The following LIN28B variants were observed in gnomAD, a reference collection of about 807,000 sequenced individuals.
LIN28B encodes lin-28 RNA binding posttranscriptional regulator B.
LIN28B carries 5 observed loss-of-function variants against 21.9 expected under a neutral mutation model. The ratio of observed to expected loss-of-function variants is 0.23; its 90% CI spans 0.12 to 0.48. LIN28B has a LOEUF of 0.48. Among genes scored for constraint, LIN28B ranks in the 20% least tolerant of loss-of-function variants. The probability of loss-of-function intolerance (pLI) is 0.98; values close to 1 mark genes in which losing one functional copy is unlikely to be tolerated. For synonymous variants in LIN28B, 109 were observed against 111.3 expected (o/e 0.98, Z 0.13); for missense variants, 245 against 310.5 (o/e 0.79, Z 1.58).
At position 105,081,683 on chromosome 6, in the gene LIN28B, A is replaced by G. The variant is rs1435930035; in HGVS notation, c.*2900A>G. The G allele has an allele frequency of 1.3e-5, 2 of 152,480 alleles. No individual in the cohort carries two copies. The highest frequency in any genetic ancestry group is 2.4e-5 in the African/African-American group (1 of 41,594). 9.4% of individuals were successfully genotyped at this position (152,480 alleles called of 1,614,324 possible). On this transcript the variant is annotated 3_prime_UTR_variant, in exon 4 of 4. Coordinates refer to ENST00000345080, the MANE Select transcript of LIN28B (RefSeq NM_001004317.4). The stretch of plus-strand genomic sequence containing the variant: ...GGGCACTGTTCAACTTAAGCAAAAC[A>G]GAACACGGAAGCAGTCTTAGAAGCA...
chr6:105,019,974 T>G (rs1328175986), intron 2 of LIN28B, among the ~76,000 whole-genome samples: 1 of 152,128 alleles, frequency 6.6e-6, no homozygotes, highest in East Asian at 1.9e-4. Context: ...CACTTCCCAA[T>G]CTAGTTGGAG....
intron 3 of LIN28B, among the ~76,000 whole-genome samples, chr6:105,071,072 T>A (rs1044093520): frequency 1.3e-5 from 2 of 152,128 alleles, no homozygotes; most frequent in African/African-American, 4.8e-5. Context: ...AGACGGAGTT[T>A]CACTGTGTTG....
chr6:105,065,099 G>A (rs947070127), intron 3 of LIN28B, among the ~76,000 whole-genome samples: 1 of 152,144 alleles, frequency 6.6e-6, no homozygotes, highest in Non-Finnish European at 1.5e-5. Flanking sequence ...ACCTCCACCA[G>A]TGGCTGTGTA....
chr6:105,004,996 C>T (rs1482737902), intron 2 of LIN28B, among the ~76,000 whole-genome samples: 1 of 152,112 alleles, frequency 6.6e-6, no homozygotes, highest in African/African-American at 2.4e-5. Context: ...CATATTTATT[C>T]TCCCAGGTTT....
At chr6:105,030,533 A>G (rs1562099052) in intron 3 of LIN28B, among the ~76,000 whole-genome samples, 1 of 151,250 alleles carries the variant, frequency 6.6e-6, no homozygotes, top group Admixed American at 6.6e-5. Flanking sequence ...TTTTTTCTTG[A>G]TAAGATAATG....
intron 3 of LIN28B, among the ~76,000 whole-genome samples, chr6:105,055,053 A>G (rs1360597406): frequency 6.6e-6 from 1 of 152,050 alleles, no homozygotes; most frequent in East Asian, 1.9e-4. Context: ...ATAGTGTAAA[A>G]TGTATCTTTT....
chr6:104,999,034 C>T (rs918228793), intron 2 of LIN28B, among the ~76,000 whole-genome samples: 8 of 151,812 alleles, frequency 5.3e-5, no homozygotes, highest in African/African-American at 9.7e-5. Flanking sequence ...AAACAAGCAT[C>T]GTTATCGAAA....
chr6:105,057,106 A>G (rs1772036698), intron 3 of LIN28B, among the ~76,000 whole-genome samples: 1 of 152,230 alleles, frequency 6.6e-6, no homozygotes, highest in Non-Finnish European at 1.5e-5. Flanking sequence ...GAGATAAAAT[A>G]TCTATACTAT....
At chr6:105,052,661 G>A (rs1487058778) in intron 3 of LIN28B, among the ~76,000 whole-genome samples, 1 of 151,996 alleles carries the variant, frequency 6.6e-6, no homozygotes, top group Non-Finnish European at 1.5e-5. Flanking sequence ...TGTAAGCTGT[G>A]GAATGCTTTG....
intron 2 of LIN28B, among the ~76,000 whole-genome samples, chr6:104,938,598 T>C (rs1445445543): frequency 6.7e-6 from 1 of 150,052 alleles, no homozygotes; most frequent in Non-Finnish European, 1.5e-5. Flanking sequence ...AAGATTGCAC[T>C]ACTGCACTCA....
Position 105,078,462 on chromosome 6 carries a change from A to C in LIN28B, c.432A>C (p.Leu144=). 1 of 1,613,592 alleles carries C rather than the reference A, an allele frequency of 6.2e-7. No homozygotes were observed. The highest frequency in any genetic ancestry group is 8.5e-7 in the Non-Finnish European group (1 of 1,179,622). Residue 144 remains leucine (L), a synonymous_variant, in exon 4 of 4, where the codon CTA becomes CTC. Transcript: ENST00000345080. ...ATCATCATGCTAAGGAATGTAGTCTACCTCCTCAGCCAAAGAAGTGCCATT... is the reference window on the plus strand; with the variant it reads ...ATCATCATGCTAAGGAATGTAGTCTCCCTCCTCAGCCAAAGAAGTGCCATT... ...GLDHHAKECS[L]PPQPKKCHYC...
intron 3 of LIN28B, among the ~76,000 whole-genome samples, chr6:105,052,550 C>G (rs1771928876): frequency 6.6e-6 from 1 of 152,116 alleles, no homozygotes; most frequent in Non-Finnish European, 1.5e-5. Context: ...GACAGTGCCC[C>G]CATGACCCAA....
At position 105,016,891 on chromosome 6, in the gene LIN28B, T is replaced by C. The variant is rs572830842; in HGVS notation, c.199-9407T>C. On this transcript the variant is annotated intron_variant, in intron 2 of 3. Coordinates refer to ENST00000345080, the MANE Select transcript of LIN28B (RefSeq NM_001004317.4). ...GAGCAACTTGGCAAGACCCCATCTGTAATGAAAATCAAAACAAAAAAACAA... is the reference window on the plus strand; with the variant it reads ...GAGCAACTTGGCAAGACCCCATCTGCAATGAAAATCAAAACAAAAAAACAA... Among the ~76,000 whole-genome samples the C allele has an allele frequency of 2.0e-3, 303 of 151,372 alleles. 2 individuals carry two copies. Among genetic ancestry groups the C allele is most frequent in the Non-Finnish European group, 3.4e-3 (232 of 67,846 alleles).
At position 104,958,299 on chromosome 6, in the gene LIN28B, T is replaced by G. The variant is rs763760934; in HGVS notation, c.198+13T>G. The G allele has an allele frequency of 6.5e-7, 1 of 1,541,336 alleles. No homozygotes were observed. The highest frequency in any genetic ancestry group is 1.7e-5 in the Admixed American group (1 of 58,064). Reference sequence around the variant, plus strand: ...ATTTGTACACCAAGTAAGCCAAACTTTTTTGTCCCCCTCTTCATCTTTTTC... The same window carrying G: ...ATTTGTACACCAAGTAAGCCAAACTGTTTTGTCCCCCTCTTCATCTTTTTC... On this transcript the variant is annotated intron_variant, in intron 2 of 3. Coordinates refer to ENST00000345080, the MANE Select transcript of LIN28B (RefSeq NM_001004317.4).
Position 105,026,472 on chromosome 6 carries a change from A to C in LIN28B, c.373A>C (p.Lys125Gln). 6.4e-7 allele frequency: 1 copy of C among 1,566,334 alleles called. No homozygotes were observed. Among genetic ancestry groups the C allele is most frequent in the South Asian group, 1.2e-5 (1 of 83,540 alleles). Residue 125 changes from lysine (K) to glutamine (Q), a missense_variant, in exon 3 of 4, where the codon AAG becomes CAG. Physicochemically the swap from Lys to Gln is moderately conservative, Grantham distance 53. Coordinates refer to ENST00000345080, the MANE Select transcript of LIN28B (RefSeq NM_001004317.4). ...KGKTLQKRKP[K>Q]GDRCYNCGGL... The stretch of plus-strand genomic sequence containing the variant: ...GAAGACACTACAGAAAAGAAAACCA[A>C]AGGGAGATAGGTAATCATTTTTACT...
At chr6:105,070,592 C>CCACACACACACACACA (rs752057191) in intron 3 of LIN28B, among the ~76,000 whole-genome samples, 6,322 of 92,126 alleles carry the variant, frequency 0.069, 577 homozygotes, top group South Asian at 0.089. Context: ...ATCAATAAAA[C>CCACACACACACACACA]CACACACACA....
At chr6:104,976,925 T>C (rs1233775483) in intron 2 of LIN28B, among the ~76,000 whole-genome samples, 4 of 152,224 alleles carry the variant, frequency 2.6e-5, no homozygotes, top group Admixed American at 6.5e-5. Flanking sequence ...TTATTTAAAG[T>C]ATTCACTCTC....
intron 2 of LIN28B, among the ~76,000 whole-genome samples, chr6:104,975,620 AG>A (rs1770074145): frequency 1.3e-5 from 2 of 152,118 alleles, no homozygotes; most frequent in South Asian, 4.2e-4. Context: ...ACTTTTACAG[AG>A]TGCTTGCATG....
intron 2 of LIN28B, among the ~76,000 whole-genome samples, chr6:104,947,413 C>T (rs1778169137): frequency 6.6e-6 from 1 of 152,186 alleles, no homozygotes; most frequent in Non-Finnish European, 1.5e-5. Context: ...CATGAGCCAC[C>T]ACACCAGCTG....
Sources: allele counts gnomAD v4.1 joint callset (sites outside exome capture counted in the v4.1 genomes callset), GRCh38; gene constraint gnomAD v4.1.1; transcripts MANE v1.5; gene names NCBI Gene and HGNC (gene_info 2026-07-23, HGNC 2026-07-21).